Variants in SLC12A4 observed in about 807,000 individuals in gnomAD.
SLC12A4 encodes electroneutral potassium-chloride cotransporter 1.
A neutral mutation model predicts 119.2 loss-of-function variants in SLC12A4; 84 were observed. That is an observed-to-expected ratio of 0.70 (90% CI 0.59 to 0.85). The LOEUF (loss-of-function observed/expected upper bound fraction) is 0.85, where lower values mean the gene tolerates loss of function less well. Among genes scored for constraint, SLC12A4 ranks in the 40% least tolerant of loss-of-function variants. SLC12A4 has a pLI of 0.00. For synonymous variants in SLC12A4, 599 were observed against 604.6 expected, an observed-to-expected ratio of 0.99 and a Z score of 0.14; for missense variants, 1,298 against 1,476.3, an observed-to-expected ratio of 0.88 and a Z score of 1.98.
At chr16:67,968,342 G>C in intron 1 of SLC12A4, 97 bp downstream of exon 1, 1 of 1,100,930 alleles carries the variant, frequency 9.1e-7, no homozygotes, top group Non-Finnish European at 1.2e-6. Flanking sequence ...ACGTGTGCGC[G>C]CAAGGTCCCG....
chr16:67,961,593 G>A lies in SLC12A4; in HGVS notation c.324C>T (p.Thr108=), dbSNP rs1437507726. 2 of 1,613,746 alleles carry A rather than the reference G, an allele frequency of 1.2e-6. No homozygotes were observed. Among genetic ancestry groups the A allele is most frequent in the Admixed American group, 3.3e-5 (2 of 60,024 alleles). The change falls in exon 3 of 24, where the codon ACC becomes ACT. Residue 108 remains threonine, a synonymous_variant. Coordinates refer to ENST00000316341, the MANE Select transcript of SLC12A4 (RefSeq NM_005072.5). ...EHEEAESGEG[T]RRRAAEAPSM... is the part of the protein sequence containing the mutation. ...AGCTCACCTCGGCTGCCCTCCGGCGGGTGCCCTCCCCACTCTCGGCCTCCT... is the reference window on the plus strand; with the variant it reads ...AGCTCACCTCGGCTGCCCTCCGGCGAGTGCCCTCCCCACTCTCGGCCTCCT...
Position 67,943,567 on chromosome 16 carries a change from T to A in SLC12A4, c.*1273A>T. The A allele has an allele frequency of 2.0e-6, 1 of 498,144 alleles. No homozygotes were observed. Among genetic ancestry groups the A allele is most frequent in the East Asian group, 3.7e-5 (1 of 26,698 alleles). 30.9% of individuals were successfully genotyped at this position (498,144 alleles called of 1,614,324 possible). A position where few individuals can be genotyped will look rare whatever the true frequency, so the allele number is the denominator to read the frequency against. On this transcript the variant is annotated 3_prime_UTR_variant, in exon 24 of 24. Transcript: ENST00000316341. The surrounding 1 kb of genome is among the most constrained non-coding windows in gnomAD (Gnocchi z 4.6). ...GGGCCTAATAGGGGCCGGGCATGGA[T>A]GGGCCTCTCCTGCTCACCGATCCTG... is the stretch of plus-strand genomic sequence containing the variant.
rs971887742 is a variant in SLC12A4, at chr16:67,943,992, G to T, written c.*848C>A. ...GTGGTTACTGAGCTCAGCCTTGGGC[G>T]TGGTGTGCGGGGGGAAGAGCACATT... On this transcript the variant is annotated 3_prime_UTR_variant, in exon 24 of 24. Transcript: ENST00000316341. The surrounding 1 kb of genome is among the most constrained non-coding windows in gnomAD (Gnocchi z 4.6). 6.5e-7 allele frequency: 1 copy of T among 1,548,594 alleles called. No individual in the cohort carries two copies. Among genetic ancestry groups the T allele is most frequent in the Non-Finnish European group, 8.7e-7 (1 of 1,145,808 alleles).
In SLC12A4 at chr16:67,963,507, G is replaced by A; in HGVS notation, c.168C>T (p.Ser56=). ...SSPFLSPLEA[S]RGIDYYDRNL... ...TCCTGTCATAGTAGTCAATTCCTCT[G>A]GAAGCCTCCAAGGGGGAAAGAAAAG... The change falls in exon 2 of 24, where the codon TCC becomes TCT. Residue 56 remains serine, a synonymous_variant. Transcript: ENST00000316341. 1 of 1,585,058 alleles carries A rather than the reference G, an allele frequency of 6.3e-7. No individual in the cohort carries two copies. The highest frequency in any genetic ancestry group is 1.2e-5 in the South Asian group (1 of 86,564).
intron 2 of SLC12A4, chr16:67,962,318 AC>A (rs1373878796): frequency 1.3e-5 from 2 of 152,292 alleles, no homozygotes; most frequent in African/African-American, 4.8e-5. Context: ...TCACCGCAGA[AC>A]CTTGCTGCTT....
At chr16:67,960,870 C>G (rs778824490) in intron 3 of SLC12A4, among the ~76,000 whole-genome samples, 1 of 152,032 alleles carries the variant, frequency 6.6e-6, no homozygotes, top group Non-Finnish European at 1.5e-5. Context: ...AAGGCAGCAT[C>G]AGGCTCCGAT....
chr16:67,947,589 C>A, intron 15 of SLC12A4, 80 bp downstream of exon 15: 1 of 1,533,640 alleles, frequency 6.5e-7, no homozygotes, highest in Non-Finnish European at 8.8e-7. Context: ...CAGCTCCCTG[C>A]CCACCCCAAT....
At chr16:67,952,549 C>T (rs1253008088) in intron 6 of SLC12A4, 124 bp from the exon 7 acceptor site, 6 of 1,059,022 alleles carry the variant, frequency 5.7e-6, no homozygotes, top group Non-Finnish European at 8.5e-6. Context: ...CCTGTAATCC[C>T]AGCACTTTGG....
At chr16:67,945,899 C>G in intron 20 of SLC12A4, 28 bp from the exon 21 acceptor site, 1 of 1,613,408 alleles carries the variant, frequency 6.2e-7, no homozygotes, top group East Asian at 2.2e-5. Flanking sequence ...CGTGAGGACC[C>G]AGCTGCACGG....
intron 3 of SLC12A4, among the ~76,000 whole-genome samples, chr16:67,959,873 C>T (rs1257347921): frequency 6.6e-6 from 1 of 152,230 alleles, no homozygotes; most frequent in East Asian, 1.9e-4. Context: ...CGGAGGCCCA[C>T]CCTTCCTGCT....
At chr16:67,947,527 A>G (rs1166159267) in intron 15 of SLC12A4, 92 bp from the exon 16 acceptor site, 38 of 1,498,622 alleles carry the variant, frequency 2.5e-5, no homozygotes, top group Non-Finnish European at 3.0e-5. Context: ...GCCCCTCAAG[A>G]CCACCCAGGG....
intron 2 of SLC12A4, 61 bp downstream of exon 2, chr16:67,963,404 T>C (rs2030688434): frequency 1.7e-6 from 2 of 1,150,790 alleles, no homozygotes; most frequent in African/African-American, 1.6e-5. Flanking sequence ...GTGTCCAGCC[T>C]GCCTGCTTAG....
At chr16:67,945,718 C>T in intron 21 of SLC12A4, 46 bp downstream of exon 21, 1 of 1,582,130 alleles carries the variant, frequency 6.3e-7, no homozygotes, top group Non-Finnish European at 8.6e-7. Flanking sequence ...TCTCCAAAGG[C>T]CTGACCCTGC....
intron 2 of SLC12A4, 32 bp from the exon 3 acceptor site, chr16:67,961,738 T>C: frequency 1.2e-6 from 2 of 1,612,342 alleles, no homozygotes; most frequent in Non-Finnish European, 1.7e-6. Flanking sequence ...AAGATGGCAT[T>C]GGGCCAGGTG....
In SLC12A4 at chr16:67,950,270, G is replaced by A. The variant is rs529425568; in HGVS notation, c.1629+49C>T. ...GTTCCCTATCTCTCTCCCCAGCCGG[G>A]CGAGGGCCTGGGAGCAGCCAGGCCA... On this transcript the variant is annotated intron_variant, in intron 12 of 23. Transcript: ENST00000316341. The surrounding 1 kb of genome is among the most constrained non-coding windows in gnomAD (Gnocchi z 4.3). 3.8e-6 allele frequency: 6 copies of A among 1,584,838 alleles called. No homozygotes were observed. The highest frequency in any genetic ancestry group is 1.1e-5 in the South Asian group (1 of 89,148).
In SLC12A4 at chr16:67,950,758, C is replaced by T; in HGVS notation, c.1397-47G>A. On this transcript the variant is annotated intron_variant, in intron 10 of 23. Coordinates refer to ENST00000316341, the MANE Select transcript of SLC12A4 (RefSeq NM_005072.5). This position sits in a 1 kb window ranked among gnomAD's most constrained non-coding sequence, Gnocchi z 4.3. ...CTCGGCCTCTGCCACCCCACTGTCCCTGAATAGTACCACGTGCCCCCACCC... is the reference window on the plus strand; with the variant it reads ...CTCGGCCTCTGCCACCCCACTGTCCTTGAATAGTACCACGTGCCCCCACCC... 6.3e-7 allele frequency: 1 copy of T among 1,576,518 alleles called. No homozygotes were observed. Among genetic ancestry groups the T allele is most frequent in the Non-Finnish European group, 8.6e-7 (1 of 1,161,530 alleles).
In SLC12A4 at chr16:67,945,952, A is replaced by G. The variant is rs372394190; in HGVS notation, c.2738T>C (p.Met913Thr). ...GCCAGGGCAGGGCAGAGGGCTCACC[A>G]TCTCCACCACCTCCACCTCGGCCTC... ...RLEAEVEVVE[M>T]HNSDISAYTY... is the part of the protein sequence containing the mutation. Residue 913 changes from methionine (M) to threonine (T), a missense_variant and splice_region_variant, in exon 20 of 24, where the codon ATG becomes ACG. Coordinates refer to ENST00000316341, the MANE Select transcript of SLC12A4 (RefSeq NM_005072.5). The G allele has an allele frequency of 3.1e-6, 5 of 1,613,392 alleles. No homozygotes were observed. Among genetic ancestry groups the G allele is most frequent in the Middle Eastern group, 1.6e-4 (1 of 6,062 alleles).
At chr16:67,945,591 G>A (rs919304078) in intron 21 of SLC12A4, 38 bp from the exon 22 acceptor site, 1 of 1,594,860 alleles carries the variant, frequency 6.3e-7, no homozygotes, top group Non-Finnish European at 8.6e-7. Context: ...GGTCCCATAG[G>A]AAAAGGGGGA....
Position 67,966,817 on chromosome 16 carries a change from G to A in SLC12A4, c.115+1622C>T, listed in dbSNP as rs1457069703. On this transcript the variant is annotated intron_variant, in intron 1 of 23. Coordinates refer to ENST00000316341, the MANE Select transcript of SLC12A4 (RefSeq NM_005072.5). ...TCTGGCTGGAAAGGAGTAAGAGGAG[G>A]AGAAAGAGGAAGGGAGGCAGTGGGA... 7.7e-6 allele frequency: 12 copies of A among 1,550,594 alleles called. No individual in the cohort carries two copies. In the South Asian group the frequency reaches 1.2e-4, roughly 15 times the overall value.
Sources: gnomAD v4.1 joint callset for allele counts (sites outside exome capture counted in the v4.1 genomes callset) on GRCh38, gnomAD v4.1.1 for gene constraint, Gnocchi (gnomAD v3.1) non-coding constraint, MANE v1.5 for transcripts, NCBI Gene and HGNC (gene_info 2026-07-23, HGNC 2026-07-21) for gene names.